EFEMP1: variants seen among roughly 807,000 people sequenced by gnomAD.
The protein encoded by EFEMP1 is EGF-like fibulin extracellular matrix protein 1, also known as EGF-containing fibulin-like extracellular matrix protein 1.
In EFEMP1, 18 loss-of-function variants were observed where a neutral mutation model predicts 65.7. The ratio of observed to expected loss-of-function variants is 0.27; its 90% CI spans 0.19 to 0.41. The LOEUF is 0.41. Ranked by LOEUF, EFEMP1 falls within the 10% of genes least tolerant of loss-of-function variation. The pLI is 1.00. For missense variants in EFEMP1, 469 were observed against 624.8 expected (o/e 0.75, Z 2.66); for synonymous variants, 237 against 219.7 (o/e 1.08, Z -0.70).
chr2:55,918,795 G>A (rs553978675), intron 3 of EFEMP1, among the ~76,000 whole-genome samples: 1 of 151,884 alleles, frequency 6.6e-6, no homozygotes, highest in African/African-American at 2.4e-5. Context: ...CCTCCTAGCA[G>A]TTCCCAGCTT....
chr2:55,877,913 C>T lies in EFEMP1; in HGVS notation c.641-48G>A. The T allele has an allele frequency of 6.2e-7, 1 of 1,607,130 alleles. No individual in the cohort carries two copies. Among genetic ancestry groups the T allele is most frequent in the Non-Finnish European group, 8.5e-7 (1 of 1,174,922 alleles). ...AAAGAGAACCAAATTATTGAATTAGCATTCTCTGAAAAGCATTATCTAGAA... is the reference window on the plus strand; with the variant it reads ...AAAGAGAACCAAATTATTGAATTAGTATTCTCTGAAAAGCATTATCTAGAA... On this transcript the variant is annotated intron_variant, in intron 6 of 11. Coordinates refer to ENST00000355426, the MANE Select transcript of EFEMP1 (RefSeq NM_001039348.3). The surrounding 1 kb of genome is among the most constrained non-coding windows in gnomAD (Gnocchi z 4.5).
rs1173761381 is a variant in EFEMP1, at chr2:55,873,580, T to C, written c.1000+1366A>G. 6.6e-6 allele frequency among the ~76,000 whole-genome samples: 1 copy of C among 152,064 alleles called. No homozygotes were observed. Among genetic ancestry groups the C allele is most frequent in the African/African-American group, 2.4e-5 (1 of 41,428 alleles). ...CTAGCTAACATTTTCTTGCATGTAA[T>C]ATGCATGTTGAAAGTCTCAATTAGG... is the stretch of plus-strand genomic sequence containing the variant. On this transcript the variant is annotated intron_variant, in intron 9 of 11. Coordinates refer to ENST00000355426, the MANE Select transcript of EFEMP1 (RefSeq NM_001039348.3). This position sits in a 1 kb window ranked among gnomAD's most constrained non-coding sequence, Gnocchi z 4.6.
At chr2:55,905,119 C>G (rs1670203077) in intron 5 of EFEMP1, among the ~76,000 whole-genome samples, 1 of 151,524 alleles carries the variant, frequency 6.6e-6, no homozygotes, top group Non-Finnish European at 1.5e-5. Flanking sequence ...TTCTTCTTTT[C>G]CTATCTTCTC....
intron 6 of EFEMP1, among the ~76,000 whole-genome samples, chr2:55,880,051 T>C (rs926724626): frequency 5.9e-5 from 9 of 152,082 alleles, no homozygotes. Context: ...GTAAAGAGCT[T>C]GTATAGAGGC....
intron 5 of EFEMP1, among the ~76,000 whole-genome samples, chr2:55,908,177 A>G (rs1670352238): frequency 6.6e-6 from 1 of 152,202 alleles, no homozygotes; most frequent in South Asian, 2.1e-4. Flanking sequence ...CTTGGATTCT[A>G]AAAACAAATT....
At position 55,895,422 on chromosome 2, in the gene EFEMP1, C is replaced by G. The variant is rs1214740384; in HGVS notation, c.518-13688G>C. On this transcript the variant is annotated intron_variant, in intron 5 of 11. Coordinates refer to ENST00000355426, the MANE Select transcript of EFEMP1 (RefSeq NM_001039348.3). ...CCACTTGTCTGCCTTTGTCCGTAAG[C>G]CTCCCTCTAAATTCCCTATCTTACC... 5.3e-5 allele frequency among the ~76,000 whole-genome samples: 8 copies of G among 152,200 alleles called. No homozygotes were observed. The South Asian group carries it at 1.7e-3, about 31-fold the overall frequency.
chr2:55,875,365 C>CACACACACACACACAT (rs1457478860), intron 8 of EFEMP1, among the ~76,000 whole-genome samples: 1,973 of 136,632 alleles, frequency 0.014, 44 homozygotes, highest in African/African-American at 0.049. Flanking sequence ...CACACACACA[C>CACACACACACACACAT]ATATATATTT....
At chr2:55,911,859 T>C (rs1229794087) in intron 5 of EFEMP1, among the ~76,000 whole-genome samples, 4 of 152,214 alleles carry the variant, frequency 2.6e-5, no homozygotes, top group African/African-American at 9.6e-5. Context: ...TACCTATAAA[T>C]ACTGCTCACA....
At chr2:55,879,506 C>A (rs78515582) in intron 6 of EFEMP1, among the ~76,000 whole-genome samples, 4 of 152,144 alleles carry the variant, frequency 2.6e-5, no homozygotes, top group African/African-American at 9.7e-5. Context: ...GAATATGTGA[C>A]GCATGTCTTC....
In EFEMP1 at chr2:55,871,113, C is replaced by T. The variant is rs1572781293; in HGVS notation, c.1011G>A (p.Glu337=). ...VRSRTCQDIN[E]CETTNECRED... is the part of the protein sequence containing the mutation. ...CCCGGCATTCATTTGTGGTCTCACA[C>T]TCATTTATATCTGTAGAGATGTAGG... The change falls in exon 10 of 12, where the codon GAG becomes GAA. Residue 337 remains glutamate (E), a synonymous_variant. Transcript: ENST00000355426. The surrounding 1 kb of genome is among the most constrained non-coding windows in gnomAD (Gnocchi z 4.2). 2 of 1,613,580 alleles carry T rather than the reference C, an allele frequency of 1.2e-6. No individual in the cohort carries two copies. The highest frequency in any genetic ancestry group is 1.7e-4 in the Middle Eastern group (1 of 6,058).
intron 5 of EFEMP1, among the ~76,000 whole-genome samples, chr2:55,904,755 C>A (rs1284149025): frequency 6.6e-6 from 1 of 152,164 alleles, no homozygotes; most frequent in East Asian, 1.9e-4. Context: ...AATTACACCA[C>A]TGGCTTTCCT....
At chr2:55,895,593 G>A (rs888011402) in intron 5 of EFEMP1, among the ~76,000 whole-genome samples, 42 of 150,412 alleles carry the variant, frequency 2.8e-4, no homozygotes, top group Middle Eastern at 3.4e-3. Flanking sequence ...CCAGGCTGGA[G>A]TGCAGTGGCG....
chr2:55,902,407 A>G (rs539847136), intron 5 of EFEMP1, among the ~76,000 whole-genome samples: 62 of 152,398 alleles, frequency 4.1e-4, no homozygotes, highest in Non-Finnish European at 7.5e-4. Context: ...TCAAGAATCA[A>G]GAACATAACA....
At position 55,870,700 on chromosome 2, in the gene EFEMP1, G is replaced by T. The variant is rs750963516; in HGVS notation, c.1320+20C>A. On this transcript the variant is annotated intron_variant, in intron 11 of 11. Coordinates refer to ENST00000355426, the MANE Select transcript of EFEMP1 (RefSeq NM_001039348.3). The surrounding 1 kb of genome is among the most constrained non-coding windows in gnomAD (Gnocchi z 5.8). ...ACTCCCATCTTTCTCAATAGTTAAG[G>T]CTGCCTTCAGGATACTTACTCGTAG... The T allele has an allele frequency of 1.2e-5, 20 of 1,612,452 alleles. No individual in the cohort carries two copies. Among genetic ancestry groups the T allele is most frequent in the African/African-American group, 2.7e-5 (2 of 74,840 alleles).
Position 55,867,702 on chromosome 2 carries a change from AG to A in EFEMP1, c.1321-469del, listed in dbSNP as rs1668635718. Among the ~76,000 whole-genome samples the A allele has an allele frequency of 6.6e-6, 1 of 152,158 alleles. No individual in the cohort carries two copies. The highest frequency in any genetic ancestry group is 1.5e-5 in the Non-Finnish European group (1 of 68,014). ...AATGCTAAGATATATGAGGTTATGC[AG>A]GGTACGTATGAAGATACATAAAGGT... On this transcript the variant is annotated intron_variant, in intron 11 of 11. Transcript: ENST00000355426. This position sits in a 1 kb window ranked among gnomAD's most constrained non-coding sequence, Gnocchi z 4.3.
chr2:55,916,826 T>A (rs979789611), intron 5 of EFEMP1, among the ~76,000 whole-genome samples: 1 of 152,196 alleles, frequency 6.6e-6, no homozygotes. Flanking sequence ...CATAGCACAG[T>A]TCAGTTAGCT....
In EFEMP1 at chr2:55,918,105, A is replaced by C. The variant is rs536588198; in HGVS notation, c.131-54T>G. ...ATCTTCTAAGAGGGAAAAATCAAAC[A>C]TGTAAATATAATGCTCATGCCTTTT... On this transcript the variant is annotated intron_variant, in intron 4 of 11. Coordinates refer to ENST00000355426, the MANE Select transcript of EFEMP1 (RefSeq NM_001039348.3). The C allele has an allele frequency of 6.8e-6, 11 of 1,613,196 alleles. No homozygotes were observed. The South Asian group carries it at 8.8e-5, about 13-fold the overall frequency.
chr2:55,914,084 T>C (rs1178793791), intron 5 of EFEMP1, among the ~76,000 whole-genome samples: 1 of 152,326 alleles, frequency 6.6e-6, no homozygotes, highest in Admixed American at 6.5e-5. Flanking sequence ...TTATAATATA[T>C]TCCCCATTCA....
Position 55,867,107 on chromosome 2 carries a change from C to T in EFEMP1, c.1448G>A (p.Arg483Lys). The T allele has an allele frequency of 3.1e-6, 5 of 1,613,428 alleles. No individual in the cohort carries two copies. The highest frequency in any genetic ancestry group is 4.2e-6 in the Non-Finnish European group (5 of 1,179,920). Residue 483 changes from arginine to lysine, a missense_variant, in exon 12 of 12, where the codon AGA (arginine) becomes AAA (lysine). Physicochemically the swap from Arg to Lys is conservative, Grantham distance 26. This residue lies in a region of EFEMP1 where 399 missense variants were observed against 528.2 expected (regional missense o/e 0.76). Transcript: ENST00000355426. The surrounding 1 kb of genome is among the most constrained non-coding windows in gnomAD (Gnocchi z 4.3). Reference sequence around the variant, plus strand: ...AAATGGCCCCACTATTATTGTCAATCTTAACACAGAGCTTGTGCGGAAGGT... The same window carrying T: ...AAATGGCCCCACTATTATTGTCAATTTTAACACAGAGCTTGTGCGGAAGGT... ...IGTFRTSSVLRLTIIVGPFSF is the reference protein window; with the variant it reads ...IGTFRTSSVLKLTIIVGPFSF
Sources: gnomAD v4.1 joint callset for allele counts (sites outside exome capture counted in the v4.1 genomes callset) on GRCh38, gnomAD v4.1.1 for gene constraint, gnomAD v4.1.1 regional missense constraint, Gnocchi (gnomAD v3.1) non-coding constraint, MANE v1.5 for transcripts, NCBI Gene and HGNC (gene_info 2026-07-23, HGNC 2026-07-21) for gene names.